Variants in RBFOX1 observed in about 807,000 individuals in gnomAD.
RBFOX1 encodes the protein RNA binding fox-1 homolog 1.
A neutral mutation model predicts 57.7 loss-of-function variants in RBFOX1; 8 were observed. That is an observed-to-expected ratio of 0.14 (90% confidence interval 0.08 to 0.25). RBFOX1 has a LOEUF of 0.25. RBFOX1 is among the 10% of genes least tolerant of loss of function. The pLI, the probability that RBFOX1 is intolerant of heterozygous loss-of-function variation, is 1.00. For synonymous variants in RBFOX1, 326 were observed against 222.4 expected (o/e 1.47, Z -4.15); for missense variants, 611 against 548.5 (o/e 1.11, Z -1.14).
At chr16:7,470,512 G>C (rs1302375987) in intron 4 of RBFOX1, among the ~76,000 whole-genome samples, 1 of 151,962 alleles carries the variant, frequency 6.6e-6, no homozygotes, top group Non-Finnish European at 1.5e-5. Flanking sequence ...TGGTTGGATG[G>C]ATGGAGGGAT....
intron 3 of RBFOX1, among the ~76,000 whole-genome samples, chr16:6,835,208 C>A (rs981075999): frequency 1.3e-5 from 2 of 152,064 alleles, no homozygotes; most frequent in Non-Finnish European, 2.9e-5. Flanking sequence ...ACCGGCCTGA[C>A]TTCTCTTGTG....
At position 6,047,398 on chromosome 16, in the gene RBFOX1, G is replaced by A. The variant is rs559312867; in HGVS notation, c.-127+27406G>A. ...TTCCCTGTGGTTGTTCTTGGTAGAG[G>A]ATGAAAGATGAGATTTCTCTGAAAA... On this transcript the variant is annotated intron_variant, in intron 1 of 15. Coordinates refer to ENST00000550418, the MANE Select transcript of RBFOX1 (RefSeq NM_018723.4). Among the ~76,000 whole-genome samples, 5 of 152,302 alleles carry A rather than the reference G, an allele frequency of 3.3e-5. No individual in the cohort carries two copies. The East Asian group carries it at 9.7e-4, about 30-fold the overall frequency.
At chr16:5,467,190 CTCTCTCT>C in intron 1 of RBFOX1, 22 of 1,464,784 alleles carry the variant, frequency 1.5e-5, no homozygotes, top group Middle Eastern at 1.7e-4. Context: ...CTCTCTCTCT[CTCTCTCT>C]TTTTTTTTTT....
intron 12 of RBFOX1, 127 bp downstream of exon 12, chr16:7,654,074 T>G: frequency 2.0e-6 from 2 of 999,218 alleles, no homozygotes; most frequent in South Asian, 3.5e-5. Context: ...GCCCCCAGCA[T>G]GCAGCCCGGC....
intron 3 of RBFOX1, among the ~76,000 whole-genome samples, chr16:5,835,235 T>C (rs1381258984): frequency 1.3e-5 from 2 of 152,024 alleles, no homozygotes; most frequent in African/African-American, 4.8e-5. Flanking sequence ...CACAGAGCAA[T>C]GAGCACGTGA....
intron 4 of RBFOX1, among the ~76,000 whole-genome samples, chr16:7,221,074 A>G (rs1243824215): frequency 1.3e-5 from 2 of 152,162 alleles, no homozygotes; most frequent in Non-Finnish European, 2.9e-5. Flanking sequence ...CTTCATTAAA[A>G]TGAAGCCAGG....
chr16:7,396,385 A>G (rs2098139503), intron 4 of RBFOX1, among the ~76,000 whole-genome samples: 1 of 152,052 alleles, frequency 6.6e-6, no homozygotes, highest in Non-Finnish European at 1.5e-5. Flanking sequence ...AGAGCTATGC[A>G]TTTTATTCTT....
intron 2 of RBFOX1, among the ~76,000 whole-genome samples, chr16:6,456,340 A>C (rs1222697995): frequency 2.0e-5 from 3 of 152,066 alleles, no homozygotes; most frequent in Admixed American, 6.5e-5. Flanking sequence ...TGGGTGTCTC[A>C]CCCTGTCTTC....
intron 5 of RBFOX1, among the ~76,000 whole-genome samples, chr16:7,561,326 C>T (rs988147592): frequency 7.9e-5 from 12 of 152,172 alleles, no homozygotes; most frequent in African/African-American, 2.4e-4. Flanking sequence ...CTCTATGGCC[C>T]TTTAAAGAAA....
At chr16:5,758,629 C>T (rs1472584629) in intron 3 of RBFOX1, among the ~76,000 whole-genome samples, 3 of 152,144 alleles carry the variant, frequency 2.0e-5, no homozygotes, top group Non-Finnish European at 4.4e-5. Context: ...AAAATTAAGA[C>T]CTCAGAATAG....
intron 3 of RBFOX1, among the ~76,000 whole-genome samples, chr16:5,636,183 A>G (rs1005899483): frequency 6.6e-6 from 1 of 152,164 alleles, no homozygotes; most frequent in African/African-American, 2.4e-5. Context: ...CCCCATCTCT[A>G]CTAAAAATAC....
chr16:5,313,247 A>G (rs74003867), intron 1 of RBFOX1, among the ~76,000 whole-genome samples: 41 of 152,148 alleles, frequency 2.7e-4, no homozygotes, highest in African/African-American at 8.7e-4. Context: ...TAGGACCTCT[A>G]ATTCCCCCTC....
At chr16:5,517,348 T>C (rs993877196) in intron 2 of RBFOX1, among the ~76,000 whole-genome samples, 2 of 152,240 alleles carry the variant, frequency 1.3e-5, no homozygotes, top group Admixed American at 6.5e-5. Context: ...CTTTATTGTC[T>C]TCTCACTATA....
intron 3 of RBFOX1, among the ~76,000 whole-genome samples, chr16:5,774,931 C>A (rs1031909750): frequency 6.6e-6 from 1 of 152,148 alleles, no homozygotes; most frequent in Non-Finnish European, 1.5e-5. Flanking sequence ...GATCCACCCA[C>A]TTCGGCCTCC....
At chr16:5,865,706 G>A (rs1597556095) in intron 3 of RBFOX1, among the ~76,000 whole-genome samples, 1 of 152,294 alleles carries the variant, frequency 6.6e-6, no homozygotes. Context: ...ATTGGTCTGT[G>A]TCTTAGCCTG....
intron 4 of RBFOX1, among the ~76,000 whole-genome samples, chr16:7,473,252 C>T (rs1332783470): frequency 6.6e-6 from 1 of 151,832 alleles, no homozygotes; most frequent in African/African-American, 2.4e-5. Flanking sequence ...GTGGCGGGTG[C>T]CTGTAATCCC....
intron 1 of RBFOX1, among the ~76,000 whole-genome samples, chr16:6,143,505 G>C (rs1255643032): frequency 6.6e-6 from 1 of 152,150 alleles, no homozygotes; most frequent in Non-Finnish European, 1.5e-5. Context: ...TGTTTCTATA[G>C]ACTTGCTGTT....
chr16:7,148,874 T>A (rs116333839), intron 4 of RBFOX1, among the ~76,000 whole-genome samples: 1 of 152,296 alleles, frequency 6.6e-6, no homozygotes, highest in African/African-American at 2.4e-5. Flanking sequence ...CCTTTTTCAT[T>A]CTTCCTTATG....
intron 3 of RBFOX1, among the ~76,000 whole-genome samples, chr16:6,910,716 A>G (rs1195398374): frequency 3.3e-5 from 5 of 152,222 alleles, no homozygotes; most frequent in Non-Finnish European, 4.4e-5. Flanking sequence ...CTCTAAAGCA[A>G]CATCATTTCC....
Sources: allele counts gnomAD v4.1 joint callset (sites outside exome capture counted in the v4.1 genomes callset), GRCh38; gene constraint gnomAD v4.1.1; transcripts MANE v1.5; gene names NCBI Gene and HGNC (gene_info 2026-07-23, HGNC 2026-07-21).